Variants in KIAA0513 observed in about 807,000 individuals in gnomAD.
KIAA0513 encodes uncharacterized protein KIAA0513.
KIAA0513 carries 39 observed loss-of-function variants against 56.5 expected under a neutral mutation model. The ratio of observed to expected loss-of-function variants is 0.69; its 90% CI spans 0.53 to 0.90. KIAA0513 has a LOEUF of 0.90. Ranked by LOEUF, KIAA0513 falls within the 40% of genes least tolerant of loss-of-function variation. The probability of loss-of-function intolerance (pLI) is 0.00; values close to 1 mark genes in which losing one functional copy is unlikely to be tolerated. For missense variants in KIAA0513, 591 were observed against 535.2 expected (o/e 1.10, Z -1.03); for synonymous variants, 268 against 215.6 (o/e 1.24, Z -2.13).
Position 85,035,973 on chromosome 16 carries a change from C to T in KIAA0513, c.-173+8115C>T, listed in dbSNP as rs1465208131. On this transcript the variant is annotated intron_variant, in intron 1 of 12. Coordinates refer to ENST00000683363, the MANE Select transcript of KIAA0513 (RefSeq NM_001388359.1). ...CAGCCTGGGCAACAGAGCGAGACTC[C>T]GTCCCAAAAAAAAAAAAAAAAAAAA... Among the ~76,000 whole-genome samples, 8 of 144,892 alleles carry T rather than the reference C, an allele frequency of 5.5e-5. No homozygotes were observed. In the East Asian group the frequency reaches 8.1e-4, roughly 15 times the overall value.
chr16:85,041,930 G>A (rs561894550), intron 1 of KIAA0513, among the ~76,000 whole-genome samples: 4 of 152,232 alleles, frequency 2.6e-5, no homozygotes, highest in South Asian at 4.2e-4. Flanking sequence ...CCGGGATTCC[G>A]AGCGTTTGCC....
chr16:85,061,021 C>T (rs944799938), intron 1 of KIAA0513, among the ~76,000 whole-genome samples: 7 of 151,692 alleles, frequency 4.6e-5, no homozygotes, highest in African/African-American at 7.3e-5. Context: ...AGCATGGTGG[C>T]GGGAGCCTGT....
intron 1 of KIAA0513, among the ~76,000 whole-genome samples, chr16:85,047,304 C>G (rs964470147): frequency 2.0e-5 from 3 of 152,164 alleles, no homozygotes; most frequent in African/African-American, 7.2e-5. Context: ...AGGGCTGAGC[C>G]CAGGAGCTCG....
At chr16:85,080,122 G>A (rs1176770873) in intron 8 of KIAA0513, among the ~76,000 whole-genome samples, 1 of 152,044 alleles carries the variant, frequency 6.6e-6, no homozygotes, top group Admixed American at 6.6e-5. Context: ...CAGAGGGCAG[G>A]GCCGGAGCTG....
At chr16:85,077,001 T>G (rs1432716334) in intron 5 of KIAA0513, among the ~76,000 whole-genome samples, 1 of 151,980 alleles carries the variant, frequency 6.6e-6, no homozygotes, top group East Asian at 1.9e-4. Context: ...GGAGTTTGGG[T>G]GCTGCCCAGA....
chr16:85,064,051 G>A (rs995585140), intron 1 of KIAA0513, among the ~76,000 whole-genome samples: 26 of 144,780 alleles, frequency 1.8e-4, no homozygotes, highest in African/African-American at 6.6e-4. Flanking sequence ...TGTCGCCCAG[G>A]CTGGAGTGCA....
At chr16:85,033,232 G>C (rs1018861783) in intron 1 of KIAA0513, among the ~76,000 whole-genome samples, 1 of 152,192 alleles carries the variant, frequency 6.6e-6, no homozygotes, top group Non-Finnish European at 1.5e-5. Flanking sequence ...CCGAGGCCAT[G>C]CGGCTCCTGA....
chr16:85,041,486 G>T (rs1034078410), intron 1 of KIAA0513, among the ~76,000 whole-genome samples: 1 of 152,208 alleles, frequency 6.6e-6, no homozygotes, highest in Non-Finnish European at 1.5e-5. Flanking sequence ...TCTGGATTGT[G>T]CTTGGGAAAG....
At position 85,081,255 on chromosome 16, in the gene KIAA0513, A is replaced by G. The variant is rs1291458069; in HGVS notation, c.903-60A>G. 14 of 1,518,164 alleles carry G rather than the reference A, an allele frequency of 9.2e-6. No homozygotes were observed. The highest frequency in any genetic ancestry group is 1.4e-5 in the African/African-American group (1 of 72,920). 94.0% of individuals were successfully genotyped at this position (1,518,164 alleles called of 1,614,324 possible). A position where few individuals can be genotyped will look rare whatever the true frequency, so the allele number is the denominator to read the frequency against. On this transcript the variant is annotated intron_variant, in intron 8 of 12. Transcript: ENST00000683363. The surrounding 1 kb of genome is among the most constrained non-coding windows in gnomAD (Gnocchi z 4.4). ...CCCTTGTTTATCCCTCAAGGGGCCC[A>G]CAACCCGTGTCCTCCCCGCCTCCCC...
intron 1 of KIAA0513, among the ~76,000 whole-genome samples, chr16:85,052,915 C>T (rs1038429985): frequency 2.0e-5 from 3 of 151,976 alleles, no homozygotes. Flanking sequence ...TATTTTGAGA[C>T]CGTCTCGCTC....
intron 1 of KIAA0513, among the ~76,000 whole-genome samples, chr16:85,040,410 A>G (rs911228823): frequency 2.6e-5 from 4 of 151,942 alleles, no homozygotes; most frequent in African/African-American, 9.7e-5. Flanking sequence ...CACGCCTGTA[A>G]TCCCAACTAC....
intron 1 of KIAA0513, among the ~76,000 whole-genome samples, chr16:85,053,699 A>T (rs2073286699): frequency 6.6e-6 from 1 of 152,056 alleles, no homozygotes; most frequent in South Asian, 2.1e-4. Context: ...GTCACTACAA[A>T]AAAATTTTTA....
chr16:85,085,147 T>C (rs1660960190), intron 10 of KIAA0513, among the ~76,000 whole-genome samples: 3 of 152,176 alleles, frequency 2.0e-5, no homozygotes, highest in Non-Finnish European at 1.5e-5. Context: ...TTTATGTGTC[T>C]GGACAACCCT....
intron 2 of KIAA0513, among the ~76,000 whole-genome samples, chr16:85,068,055 C>A (rs60956239): frequency 6.6e-6 from 1 of 152,064 alleles, no homozygotes; most frequent in African/African-American, 2.4e-5. Flanking sequence ...ATGTGATCCA[C>A]CCGCCTCAGC....
intron 1 of KIAA0513, among the ~76,000 whole-genome samples, chr16:85,042,994 G>A (rs1243578813): frequency 6.6e-6 from 1 of 152,136 alleles, no homozygotes; most frequent in Non-Finnish European, 1.5e-5. Flanking sequence ...TCTAACGGGT[G>A]GAATAAACAT....
intron 1 of KIAA0513, among the ~76,000 whole-genome samples, chr16:85,044,316 G>T (rs559753409): frequency 4.6e-5 from 7 of 151,976 alleles, no homozygotes; most frequent in Non-Finnish European, 1.0e-4. Flanking sequence ...CATGTCGAGT[G>T]TCCCCTGTGT....
intron 1 of KIAA0513, among the ~76,000 whole-genome samples, chr16:85,062,190 C>G (rs1362156099): frequency 6.7e-6 from 1 of 148,924 alleles, no homozygotes; most frequent in African/African-American, 2.6e-5. Flanking sequence ...TTCCCCTCTC[C>G]CTGCCCCTGG....
At chr16:85,046,108 C>T (rs2073167449) in intron 1 of KIAA0513, among the ~76,000 whole-genome samples, 1 of 152,184 alleles carries the variant, frequency 6.6e-6, no homozygotes, top group African/African-American at 2.4e-5. Flanking sequence ...CTGCTTCGGC[C>T]CTTCCCTTGG....
intron 1 of KIAA0513, among the ~76,000 whole-genome samples, chr16:85,041,527 G>A (rs1026857599): frequency 1.3e-5 from 2 of 152,150 alleles, no homozygotes; most frequent in African/African-American, 4.8e-5. Flanking sequence ...TCTTTGTTTC[G>A]TAGGATTTAT....
Sources: gnomAD v4.1 joint callset for allele counts (sites outside exome capture counted in the v4.1 genomes callset) on GRCh38, gnomAD v4.1.1 for gene constraint, Gnocchi (gnomAD v3.1) non-coding constraint, MANE v1.5 for transcripts, NCBI Gene and HGNC (gene_info 2026-07-23, HGNC 2026-07-21) for gene names.